NLK: variants seen among roughly 807,000 people sequenced by gnomAD.
The protein encoded by NLK is serine/threonine-protein kinase NLK.
NLK carries 11 observed loss-of-function variants against 59.0 expected under a neutral mutation model. The observed-to-expected ratio is 0.19, with a 90% CI of 0.12 to 0.31. The LOEUF (loss-of-function observed/expected upper bound fraction) is 0.31. NLK is among the 10% of genes least tolerant of loss of function. The pLI is 1.00. For missense variants in NLK, 410 were observed against 661.1 expected, an observed-to-expected ratio of 0.62 and a Z score of 4.16; for synonymous variants, 235 against 235.9, an observed-to-expected ratio of 1.00 and a Z score of 0.03.
chr17:28,067,299 T>A (rs1183210298), intron 1 of NLK, among the ~76,000 whole-genome samples: 3 of 152,170 alleles, frequency 2.0e-5, no homozygotes, highest in Non-Finnish European at 4.4e-5. Flanking sequence ...AGACCTTTAT[T>A]TTTATTTTTA....
At position 28,155,478 on chromosome 17, in the gene NLK, C is replaced by G. The variant is rs1326821492; in HGVS notation, c.645-5682C>G. On this transcript the variant is annotated intron_variant, in intron 3 of 10. Coordinates refer to ENST00000407008, the MANE Select transcript of NLK (RefSeq NM_016231.5). Reference sequence around the variant, plus strand: ...TCATGCAGCTATAAAGACATATGCACACGTATGTTTATTGTGGCCCTATTC... The same window carrying G: ...TCATGCAGCTATAAAGACATATGCAGACGTATGTTTATTGTGGCCCTATTC... 2.6e-5 allele frequency among the ~76,000 whole-genome samples: 4 copies of G among 152,278 alleles called. No homozygotes were observed. In the East Asian group the frequency reaches 7.7e-4, roughly 29 times the overall value.
intron 3 of NLK, among the ~76,000 whole-genome samples, chr17:28,144,326 AAG>A (rs1907144158): frequency 6.6e-6 from 1 of 151,940 alleles, no homozygotes. Context: ...CTCTGCTTTG[AAG>A]AGAGTCACTA....
intron 1 of NLK, among the ~76,000 whole-genome samples, chr17:28,049,883 G>A (rs1164523529): frequency 1.3e-5 from 2 of 152,200 alleles, no homozygotes; most frequent in African/African-American, 4.8e-5. Context: ...GGGAGGCTGA[G>A]GCAGGATAAT....
At chr17:28,134,080 AAAAAAAATAAAAAT>A (rs1325958191) in intron 3 of NLK, among the ~76,000 whole-genome samples, 3 of 151,956 alleles carry the variant, frequency 2.0e-5, no homozygotes, top group Admixed American at 2.0e-4. Context: ...AAATATTTGA[AAAAAAAATAAAAAT>A]AAAAAAATAA....
chr17:28,068,287 A>G (rs1039913813), intron 1 of NLK, among the ~76,000 whole-genome samples: 1 of 152,048 alleles, frequency 6.6e-6, no homozygotes, highest in African/African-American at 2.4e-5. Flanking sequence ...TTTAACCTAT[A>G]GATTGCTTAG....
chr17:28,133,551 G>T, intron 3 of NLK, among the ~76,000 whole-genome samples: 1 of 152,068 alleles, frequency 6.6e-6, no homozygotes, highest in South Asian at 2.1e-4. Flanking sequence ...ATAATGCATG[G>T]TAGTAGCTCC....
At chr17:28,067,534 TAAA>T (rs74267060) in intron 1 of NLK, among the ~76,000 whole-genome samples, 1 of 132,680 alleles carries the variant, frequency 7.5e-6, no homozygotes. Context: ...GAGAATTGTT[TAAA>T]AAAAAAAAAA....
chr17:28,116,504 T>C (rs1490694850), intron 1 of NLK: 1 of 152,270 alleles, frequency 6.6e-6, no homozygotes, highest in Non-Finnish European at 1.5e-5. Context: ...TCAAGCATAT[T>C]GTTCACATTT....
At chr17:28,130,907 G>A (rs1906491464) in intron 2 of NLK, among the ~76,000 whole-genome samples, 1 of 151,872 alleles carries the variant, frequency 6.6e-6, no homozygotes, top group Non-Finnish European at 1.5e-5. Context: ...ATGAAATAAT[G>A]CATCTGTCAT....
the NLK span, among the ~76,000 whole-genome samples, chr17:28,202,189 G>A: frequency 6.6e-6 from 1 of 152,164 alleles, no homozygotes; most frequent in African/African-American, 2.4e-5. Context: ...TTGAAGCCAG[G>A]AGTTCAAGAC....
At chr17:28,057,637 A>G (rs1019601941) in intron 1 of NLK, among the ~76,000 whole-genome samples, 3 of 152,176 alleles carry the variant, frequency 2.0e-5, no homozygotes, top group South Asian at 2.1e-4. Context: ...TGGTTTCACA[A>G]TTCTGTGACA....
chr17:28,055,467 G>A (rs528089340), intron 1 of NLK, among the ~76,000 whole-genome samples: 1 of 152,054 alleles, frequency 6.6e-6, no homozygotes, highest in South Asian at 2.1e-4. Flanking sequence ...CTCCTGAGTA[G>A]CTGGGACTGT....
intron 6 of NLK, among the ~76,000 whole-genome samples, chr17:28,169,456 G>A (rs1212158441): frequency 6.6e-6 from 1 of 152,182 alleles, no homozygotes; most frequent in Non-Finnish European, 1.5e-5. Flanking sequence ...ATCAGGAGAT[G>A]ATTAAAATAT....
At chr17:28,144,293 C>T (rs1007992623) in intron 3 of NLK, among the ~76,000 whole-genome samples, 4 of 151,488 alleles carry the variant, frequency 2.6e-5, no homozygotes, top group Non-Finnish European at 4.4e-5. Context: ...AAAGTTCAAA[C>T]TCAACAGCTG....
At chr17:28,174,003 A>G (rs1458068945) in intron 7 of NLK, among the ~76,000 whole-genome samples, 2 of 152,202 alleles carry the variant, frequency 1.3e-5, no homozygotes, top group Non-Finnish European at 2.9e-5. Flanking sequence ...CATCTGTGTC[A>G]AAGAGTTGCT....
intron 1 of NLK, among the ~76,000 whole-genome samples, chr17:28,071,362 C>T (rs2142757187): frequency 6.6e-6 from 1 of 151,390 alleles, no homozygotes; most frequent in Non-Finnish European, 1.5e-5. Flanking sequence ...GATGTCAACT[C>T]TGTAGATCAA....
In NLK at chr17:28,194,880, T is replaced by C; in HGVS notation, c.*244T>C. The C allele has an allele frequency of 2.7e-6, 1 of 365,384 alleles. No individual in the cohort carries two copies. Among genetic ancestry groups the C allele is most frequent in the South Asian group, 1.0e-4 (1 of 9,598 alleles). The allele number at this position is 365,384 out of a possible 1,614,324, so 22.6% of individuals were successfully genotyped here. A position where few individuals can be genotyped will look rare whatever the true frequency, so the allele number is the denominator to read the frequency against. On this transcript the variant is annotated 3_prime_UTR_variant, in exon 11 of 11. Coordinates refer to ENST00000407008, the MANE Select transcript of NLK (RefSeq NM_016231.5). ...AGTTGCACATGTTTTATGAATTTAG[T>C]GCAGCTGTTATGGCTCACCTCAGAA...
chr17:28,163,954 A>T (rs1406564432), intron 5 of NLK, among the ~76,000 whole-genome samples: 1 of 152,244 alleles, frequency 6.6e-6, no homozygotes, highest in Admixed American at 6.5e-5. Context: ...AACAGCAAGC[A>T]TCTGTTTATA....
At chr17:28,044,206 G>A (rs1908972592) in intron 1 of NLK, among the ~76,000 whole-genome samples, 1 of 152,166 alleles carries the variant, frequency 6.6e-6, no homozygotes, top group Admixed American at 6.5e-5. Flanking sequence ...AATAAAATAT[G>A]TTTGTTCCTA....
Sources: allele counts gnomAD v4.1 joint callset (sites outside exome capture counted in the v4.1 genomes callset), GRCh38; gene constraint gnomAD v4.1.1; transcripts MANE v1.5; gene names NCBI Gene and HGNC (gene_info 2026-07-23, HGNC 2026-07-21).